The following ZNF215 variants were observed in gnomAD, a reference collection of about 807,000 sequenced individuals.
The protein encoded by ZNF215 is zinc finger protein 215.
Under a neutral mutation model 27.2 loss-of-function variants are expected in ZNF215, and 24 were observed. The ratio of observed to expected loss-of-function variants is 0.88; its 90% confidence interval spans 0.64 to 1.24. The LOEUF is 1.24. Ranked by LOEUF, ZNF215 falls within the 50% of genes most tolerant of loss-of-function variation. The pLI, the probability that ZNF215 is intolerant of heterozygous loss-of-function variation, is 0.00. For synonymous variants in ZNF215, 210 were observed against 204.0 expected (o/e 1.03, Z -0.25); for missense variants, 675 against 605.7 (o/e 1.11, Z -1.20).
At chr11:6,972,383 G>A (rs1009400807) in intron 5 of ZNF215, among the ~76,000 whole-genome samples, 7 of 143,790 alleles carry the variant, frequency 4.9e-5, no homozygotes, top group South Asian at 2.3e-4. Flanking sequence ...ATCAGCCCCC[G>A]TTAGACTAAG....
At chr11:6,952,739 A>T (rs1032595863) in intron 6 of ZNF215, among the ~76,000 whole-genome samples, 1 of 152,076 alleles carries the variant, frequency 6.6e-6, no homozygotes, top group Non-Finnish European at 1.5e-5. Flanking sequence ...TTTACATGTA[A>T]AGTTAATATT....
intron 4 of ZNF215, among the ~76,000 whole-genome samples, chr11:6,941,952 G>T (rs1265469864): frequency 2.0e-5 from 3 of 152,138 alleles, no homozygotes; most frequent in African/African-American, 7.2e-5. Flanking sequence ...GAGCAATGTC[G>T]CTTACTAGGC....
At chr11:6,972,612 A>G (rs1460620993) in intron 5 of ZNF215, among the ~76,000 whole-genome samples, 1 of 152,194 alleles carries the variant, frequency 6.6e-6, no homozygotes, top group Non-Finnish European at 1.5e-5. Flanking sequence ...TGGATTTTAA[A>G]TTAGAGTGGA....
chr11:6,957,176 T>C lies in ZNF215; in HGVS notation c.*645T>C, dbSNP rs2133305854. The C allele has an allele frequency of 1.0e-6, 1 of 985,374 alleles. No homozygotes were observed. The highest frequency in any genetic ancestry group is 4.7e-5 in the South Asian group (1 of 21,288). The allele number at this position is 985,374 out of a possible 1,614,324, so 61.0% of individuals were successfully genotyped here. On this transcript the variant is annotated 3_prime_UTR_variant, in exon 7 of 7. Transcript: ENST00000278319. ...TATTCTTAAAATCTGCATTTGTTTA[T>C]AGCAGGTCCTTGAAAAATGTTTTTG... is the stretch of plus-strand genomic sequence containing the variant.
chr11:6,975,586 A>G (rs1850816707), intron 5 of ZNF215, among the ~76,000 whole-genome samples: 1 of 151,848 alleles, frequency 6.6e-6, no homozygotes, highest in Non-Finnish European at 1.5e-5. Context: ...AATTGTTTTA[A>G]CCTTTAGGTC....
At chr11:6,939,230 T>C (rs770133749) in intron 3 of ZNF215, among the ~76,000 whole-genome samples, 120 of 152,302 alleles carry the variant, frequency 7.9e-4, no homozygotes, top group Non-Finnish European at 1.4e-3. Context: ...AAGGGGTGTC[T>C]GTGTCAGTGT....
chr11:6,988,232 G>A, downstream of ZNF215: 1 of 985,498 alleles, frequency 1.0e-6, no homozygotes, highest in Middle Eastern at 5.2e-4. Flanking sequence ...CACACTGAAG[G>A]AAGCAGAATG....
At chr11:6,950,709 T>G (rs1400602620) in intron 6 of ZNF215, among the ~76,000 whole-genome samples, 1 of 151,078 alleles carries the variant, frequency 6.6e-6, no homozygotes, top group Non-Finnish European at 1.5e-5. Flanking sequence ...CTTTTCCTAA[T>G]TGAATACCCT....
At chr11:6,985,198 C>T (rs1452711852), downstream of ZNF215, among the ~76,000 whole-genome samples, 8 of 152,000 alleles carry the variant, frequency 5.3e-5, no homozygotes, top group Admixed American at 4.6e-4. Context: ...AGATAATTCA[C>T]GATGATGAAG....
At chr11:6,989,854 A>T (rs1851098797), downstream of ZNF215, among the ~76,000 whole-genome samples, 1 of 152,182 alleles carries the variant, frequency 6.6e-6, no homozygotes, top group African/African-American at 2.4e-5. Context: ...TAACCTGAGT[A>T]TGCCCAGATA....
chr11:6,952,822 C>A (rs1850133541), intron 6 of ZNF215, among the ~76,000 whole-genome samples: 1 of 151,884 alleles, frequency 6.6e-6, no homozygotes, highest in Admixed American at 6.6e-5. Context: ...GCAGTTTCTT[C>A]GTAGCCTCGA....
chr11:6,945,661 C>T (rs1849791318), intron 6 of ZNF215, among the ~76,000 whole-genome samples: 1 of 152,168 alleles, frequency 6.6e-6, no homozygotes, highest in Non-Finnish European at 1.5e-5. Context: ...TTTAGGTTCT[C>T]GTAATACTTC....
Position 6,955,941 on chromosome 11 carries a change from C to G in ZNF215, c.964C>G (p.Gln322Glu), listed in dbSNP as rs1198248129. ...TTCAGTTAGCTCAATTTGTGCTATA[C>G]AAGTGGGAATTCCTTCAAGAAAGGG... ...INSVSSICAI[Q>E]VGIPSRKGSP... The change falls in exon 7 of 7, where the codon CAA (glutamine) becomes GAA (glutamate). Residue 322 changes from glutamine to glutamate, a missense_variant. Gln to Glu is a conservative substitution (Grantham distance 29). Transcript: ENST00000278319. 1 of 1,613,078 alleles carries G rather than the reference C, an allele frequency of 6.2e-7. No homozygotes were observed. The highest frequency in any genetic ancestry group is 8.5e-7 in the Non-Finnish European group (1 of 1,179,758).
intron 3 of ZNF215, among the ~76,000 whole-genome samples, chr11:6,940,537 A>C (rs888568978): frequency 6.6e-6 from 1 of 152,188 alleles, no homozygotes; most frequent in Non-Finnish European, 1.5e-5. Flanking sequence ...CTTGGATGCT[A>C]GGCTCAAGCA....
At position 6,957,976 on chromosome 11, in the gene ZNF215, G is replaced by T; in HGVS notation, c.*1445G>T. The stretch of plus-strand genomic sequence containing the variant: ...ATGATGATGGTAGCTTTTTGTGAAG[G>T]TTCATACCTTATTCAAAGGCAGAAA... On this transcript the variant is annotated 3_prime_UTR_variant, in exon 7 of 7. Coordinates refer to ENST00000278319, the MANE Select transcript of ZNF215 (RefSeq NM_013250.4). 1 of 985,324 alleles carries T rather than the reference G, an allele frequency of 1.0e-6. No homozygotes were observed. The highest frequency in any genetic ancestry group is 1.2e-6 in the Non-Finnish European group (1 of 829,924). 61.0% of individuals were successfully genotyped at this position (985,324 alleles called of 1,614,324 possible). A position where few individuals can be genotyped will look rare whatever the true frequency, so the allele number is the denominator to read the frequency against.
At chr11:6,952,965 G>A (rs7117805) in intron 6 of ZNF215, among the ~76,000 whole-genome samples, 29,707 of 149,454 alleles carry the variant, frequency 0.2, 2,974 homozygotes, top group Middle Eastern at 0.23. Context: ...GCTTGTCTGT[G>A]AAGTATTTTA....
At chr11:6,930,193 C>A (rs1849204421) in intron 2 of ZNF215, among the ~76,000 whole-genome samples, 1 of 151,692 alleles carries the variant, frequency 6.6e-6, no homozygotes, top group African/African-American at 2.4e-5. Context: ...CTAGAATCAA[C>A]CATTTCTCCA....
At chr11:6,969,175 G>T (rs1281555466) in intron 5 of ZNF215, among the ~76,000 whole-genome samples, 1 of 152,050 alleles carries the variant, frequency 6.6e-6, no homozygotes, top group African/African-American at 2.4e-5. Flanking sequence ...TTTTAAGAAA[G>T]AAAGAAAGCC....
At position 6,932,683 on chromosome 11, in the gene ZNF215, A is replaced by G; in HGVS notation, c.400+11A>G. Reference sequence around the variant, plus strand: ...TGCTTGAAGATGAAGGTAAGAATATAAAGAAATTAGAGGTAAAATACTTGA... The same window carrying G: ...TGCTTGAAGATGAAGGTAAGAATATGAAGAAATTAGAGGTAAAATACTTGA... On this transcript the variant is annotated intron_variant, in intron 3 of 6. Transcript: ENST00000278319. The G allele has an allele frequency of 6.3e-7, 1 of 1,587,536 alleles. No homozygotes were observed. The highest frequency in any genetic ancestry group is 8.6e-7 in the Non-Finnish European group (1 of 1,168,058).
Sources: allele counts gnomAD v4.1 joint callset (sites outside exome capture counted in the v4.1 genomes callset), GRCh38; gene constraint gnomAD v4.1.1; transcripts MANE v1.5; gene names NCBI Gene and HGNC (gene_info 2026-07-23, HGNC 2026-07-21).